PTPRN2: variants seen among roughly 807,000 people sequenced by gnomAD.
The protein encoded by PTPRN2 is protein tyrosine phosphatase receptor type N2.
In PTPRN2, 74 loss-of-function variants were observed where a neutral mutation model predicts 118.8. That is an observed-to-expected ratio of 0.62 (90% CI 0.52 to 0.76). PTPRN2 has a LOEUF of 0.76. Among genes scored for constraint, PTPRN2 ranks in the 30% least tolerant of loss-of-function variants. The pLI is 0.00. For synonymous variants in PTPRN2, 641 were observed against 608.0 expected, an observed-to-expected ratio of 1.05 and a Z score of -0.80; for missense variants, 1,481 against 1,394.4, an observed-to-expected ratio of 1.06 and a Z score of -0.99.
At chr7:157,815,313 C>G (rs1305191353) in intron 12 of PTPRN2, among the ~76,000 whole-genome samples, 1 of 152,270 alleles carries the variant, frequency 6.6e-6, no homozygotes, top group African/African-American at 2.4e-5. Context: ...CTGCGCCCTC[C>G]CATGGCCGTG....
intron 2 of PTPRN2, among the ~76,000 whole-genome samples, chr7:158,326,456 G>T (rs961523423): frequency 1.3e-5 from 2 of 152,216 alleles, no homozygotes; most frequent in Admixed American, 6.5e-5. Flanking sequence ...ACTTGTACAC[G>T]TGTGCACAAT....
chr7:158,214,089 TA>T (rs1177150674), intron 3 of PTPRN2, among the ~76,000 whole-genome samples: 1 of 151,846 alleles, frequency 6.6e-6, no homozygotes, highest in Non-Finnish European at 1.5e-5. Context: ...CTCTTAGATA[TA>T]AAAAACAAAC....
At chr7:157,665,036 A>C (rs1796070723) in intron 13 of PTPRN2, among the ~76,000 whole-genome samples, 1 of 152,230 alleles carries the variant, frequency 6.6e-6, no homozygotes, top group Non-Finnish European at 1.5e-5. Flanking sequence ...CAGTGGTGCC[A>C]AGCAGGAAGC....
rs1374049960 is a variant in PTPRN2, at chr7:158,336,432, C to A, written c.164-19500G>T. 1.9e-5 allele frequency among the ~76,000 whole-genome samples: 2 copies of A among 107,268 alleles called. 1 individual carries two copies. Among genetic ancestry groups the A allele is most frequent in the East Asian group, 6.5e-4 (2 of 3,074 alleles). 70.4% of individuals were successfully genotyped at this position (107,268 alleles called of 152,430 possible). A position where few individuals can be genotyped will look rare whatever the true frequency, so the allele number is the denominator to read the frequency against. On this transcript the variant is annotated intron_variant, in intron 2 of 22. Coordinates refer to ENST00000389418, the MANE Select transcript of PTPRN2 (RefSeq NM_002847.5). Reference sequence around the variant, plus strand: ...CACAATAATTGGTGACACCTGCAGACGTCACTCACACCCACACATGTCACT... The same window carrying A: ...CACAATAATTGGTGACACCTGCAGAAGTCACTCACACCCACACATGTCACT...
intron 11 of PTPRN2, among the ~76,000 whole-genome samples, chr7:157,899,034 A>G (rs1043843967): frequency 2.0e-5 from 3 of 152,240 alleles, no homozygotes; most frequent in African/African-American, 7.2e-5. Context: ...AGAAATATGT[A>G]GAGACATTCT....
At chr7:157,680,424 TG>T (rs1796866233) in intron 13 of PTPRN2, among the ~76,000 whole-genome samples, 2 of 152,242 alleles carry the variant, frequency 1.3e-5, no homozygotes, top group African/African-American at 4.8e-5. Flanking sequence ...CTCATGGCTG[TG>T]ATAGAAAACC....
In PTPRN2 at chr7:157,708,554, G is replaced by A. The variant is rs114831613; in HGVS notation, c.1789-25617C>T. On this transcript the variant is annotated intron_variant, in intron 12 of 22. Transcript: ENST00000389418. ...ACGGAGGGGCCGTCCCAGGGCTCTC[G>A]GTGAGACTGAGAAGGTTCATGAGCT... 6.5e-3 allele frequency among the ~76,000 whole-genome samples: 996 copies of A among 152,202 alleles called. 8 individuals carry two copies. The highest frequency in any genetic ancestry group is 0.023 in the African/African-American group (944 of 41,520).
chr7:158,291,554 T>A (rs538849677), intron 3 of PTPRN2, among the ~76,000 whole-genome samples: 4 of 152,356 alleles, frequency 2.6e-5, no homozygotes, highest in African/African-American at 9.6e-5. Flanking sequence ...AAGTTAAGAT[T>A]CACTGGGTAA....
At chr7:158,244,815 T>G (rs1796108310) in intron 3 of PTPRN2, among the ~76,000 whole-genome samples, 1 of 139,136 alleles carries the variant, frequency 7.2e-6, no homozygotes. Flanking sequence ...TGTGAGAGTG[T>G]GTATGAGTGT....
chr7:157,789,656 T>G (rs1804305539), intron 12 of PTPRN2, among the ~76,000 whole-genome samples: 1 of 112,142 alleles, frequency 8.9e-6, no homozygotes, highest in Non-Finnish European at 1.9e-5. Flanking sequence ...GGGTGTGATA[T>G]GTGTGTGTGG....
At position 158,213,369 on chromosome 7, in the gene PTPRN2, AT is replaced by A. The variant is rs542619424; in HGVS notation, c.278-8097del. On this transcript the variant is annotated intron_variant, in intron 3 of 22. Transcript: ENST00000389418. ...ATATTTTTTTCACATGCAAATCTAG[AT>A]TTTTTAAATGTTATAGACGGCAAAT... Among the ~76,000 whole-genome samples the A allele has an allele frequency of 7.9e-5, 12 of 152,190 alleles. No individual in the cohort carries two copies. In the East Asian group the frequency reaches 2.3e-3, roughly 29 times the overall value.
chr7:158,125,811 C>T (rs1284803006), intron 9 of PTPRN2, among the ~76,000 whole-genome samples: 1 of 152,190 alleles, frequency 6.6e-6, no homozygotes, highest in East Asian at 1.9e-4. Flanking sequence ...CAGAATCCAT[C>T]TTCAGCATCC....
chr7:158,194,810 G>T (rs542562796), intron 4 of PTPRN2, among the ~76,000 whole-genome samples: 1 of 152,216 alleles, frequency 6.6e-6, no homozygotes, highest in Non-Finnish European at 1.5e-5. Context: ...TAACTGTCAC[G>T]TTTAACTGAC....
At chr7:158,096,319 C>T (rs1028557890) in intron 10 of PTPRN2, among the ~76,000 whole-genome samples, 3 of 152,192 alleles carry the variant, frequency 2.0e-5, no homozygotes. Flanking sequence ...GCCACATGCC[C>T]AGGCCACCTC....
intron 12 of PTPRN2, among the ~76,000 whole-genome samples, chr7:157,829,514 G>A (rs1462626182): frequency 3.9e-5 from 6 of 152,352 alleles, no homozygotes; most frequent in South Asian, 2.1e-4. Flanking sequence ...TCATTAAAGC[G>A]TAGGTGATGC....
intron 12 of PTPRN2, among the ~76,000 whole-genome samples, chr7:157,806,536 GTGTA>G (rs1230437084): frequency 7.3e-5 from 11 of 151,496 alleles, no homozygotes; most frequent in Non-Finnish European, 1.3e-4. Flanking sequence ...GTGTATATGT[GTGTA>G]TGTATGTATA....
At chr7:157,840,169 GTGAC>G (rs1241098728) in intron 12 of PTPRN2, among the ~76,000 whole-genome samples, 5 of 149,678 alleles carry the variant, frequency 3.3e-5, no homozygotes, top group Non-Finnish European at 7.4e-5. Context: ...GTGGCCCTGT[GTGAC>G]TGTGTGACCG....
chr7:158,187,866 C>T (rs1003094971), intron 5 of PTPRN2, among the ~76,000 whole-genome samples: 3 of 152,152 alleles, frequency 2.0e-5, no homozygotes, highest in South Asian at 4.1e-4. Flanking sequence ...GGCCGACCAT[C>T]GTGTGTAGGA....
At position 157,632,631 on chromosome 7, in the gene PTPRN2, C is replaced by T. The variant is rs1460497444; in HGVS notation, c.2197-11122G>A. ...GTGACAGGGGTCACCTGCAGAAAGA[C>T]TAAGAAAGAAGCTGTTTAATAATGG... On this transcript the variant is annotated intron_variant, in intron 14 of 22. Transcript: ENST00000389418. This position sits in a 1 kb window ranked among gnomAD's most constrained non-coding sequence, Gnocchi z 4.3. Among the ~76,000 whole-genome samples, 1 of 151,802 alleles carries T rather than the reference C, an allele frequency of 6.6e-6. No individual in the cohort carries two copies. The highest frequency in any genetic ancestry group is 1.5e-5 in the Non-Finnish European group (1 of 68,018).
Sources: allele counts gnomAD v4.1 joint callset (sites outside exome capture counted in the v4.1 genomes callset), GRCh38; gene constraint gnomAD v4.1.1; non-coding constraint Gnocchi (gnomAD v3.1); transcripts MANE v1.5; gene names NCBI Gene and HGNC (gene_info 2026-07-23, HGNC 2026-07-21).